The following SDHAF3 variants were observed in gnomAD, a reference collection of about 807,000 sequenced individuals.
SDHAF3 encodes succinate dehydrogenase complex assembly factor 3, also known as succinate dehydrogenase assembly factor 3, mitochondrial.
Under a neutral mutation model 11.5 loss-of-function variants are expected in SDHAF3, and 18 were observed. The ratio of observed to expected loss-of-function variants is 1.56; its 90% confidence interval spans 1.08 to 2.32. The LOEUF is 2.32. Among genes scored for constraint, SDHAF3 ranks in the 30% most tolerant of loss-of-function variants. The pLI is 0.00. For synonymous variants in SDHAF3, 72 were observed against 59.3 expected (o/e 1.21, Z -0.99); for missense variants, 200 against 154.4 (o/e 1.30, Z -1.57).
chr7:97,158,075 A>ATGT (rs1391310193), intron 1 of SDHAF3, among the ~76,000 whole-genome samples: 1 of 152,026 alleles, frequency 6.6e-6, no homozygotes, highest in Non-Finnish European at 1.5e-5. Flanking sequence ...AACATGGCAC[A>ATGT]TGTATACATA....
chr7:97,153,347 T>C (rs1480345798), intron 1 of SDHAF3, among the ~76,000 whole-genome samples: 2 of 152,216 alleles, frequency 1.3e-5, no homozygotes, highest in Non-Finnish European at 2.9e-5. Context: ...TTTGGTAATA[T>C]GCGTTTAAGT....
intron 1 of SDHAF3, among the ~76,000 whole-genome samples, chr7:97,143,731 A>G (rs1789092551): frequency 6.6e-6 from 1 of 150,850 alleles, no homozygotes; most frequent in Non-Finnish European, 1.5e-5. Context: ...TCATTGATTG[A>G]TGGGCATTTG....
At chr7:97,163,835 T>TA (rs1687271624) in intron 1 of SDHAF3, among the ~76,000 whole-genome samples, 1 of 152,300 alleles carries the variant, frequency 6.6e-6, no homozygotes, top group African/African-American at 2.4e-5. Flanking sequence ...AGAGCTCTTG[T>TA]AAAGCAGGCC....
At chr7:97,170,674 A>G (rs1247939535) in intron 1 of SDHAF3, among the ~76,000 whole-genome samples, 2 of 151,498 alleles carry the variant, frequency 1.3e-5, no homozygotes, top group East Asian at 1.9e-4. Context: ...TTTTCTTTTT[A>G]TCTTTGCTGT....
chr7:97,146,110 C>CT (rs901439857), intron 1 of SDHAF3, among the ~76,000 whole-genome samples: 6 of 119,742 alleles, frequency 5.0e-5, no homozygotes, highest in Non-Finnish European at 8.8e-5. Context: ...CTTAAATAGG[C>CT]TTTCCCCCCC....
At chr7:97,136,484 A>T in intron 1 of SDHAF3, 1 of 620,838 alleles carries the variant, frequency 1.6e-6, no homozygotes, top group Non-Finnish European at 2.9e-6. Context: ...AAGACCTGCC[A>T]GATTATTTTA....
intron 1 of SDHAF3, among the ~76,000 whole-genome samples, chr7:97,133,544 G>C (rs774487578): frequency 1.2e-4 from 19 of 152,120 alleles, no homozygotes; most frequent in Non-Finnish European, 2.1e-4. Context: ...AATGCATATT[G>C]TAAGTTTGCC....
chr7:97,158,396 C>T (rs1047882160), intron 1 of SDHAF3, among the ~76,000 whole-genome samples: 6 of 152,152 alleles, frequency 3.9e-5, no homozygotes, highest in East Asian at 3.9e-4. Context: ...GGCACAATCT[C>T]GGCTCATTGC....
chr7:97,177,956 A>C (rs1455381970), intron 1 of SDHAF3, among the ~76,000 whole-genome samples: 1 of 152,264 alleles, frequency 6.6e-6, no homozygotes, highest in Non-Finnish European at 1.5e-5. Context: ...TGTTTGTAAT[A>C]ATTTTTAATT....
chr7:97,180,100 G>A (rs1246176788), intron 1 of SDHAF3, among the ~76,000 whole-genome samples: 1 of 152,172 alleles, frequency 6.6e-6, no homozygotes, highest in African/African-American at 2.4e-5. Context: ...TGGAATATTA[G>A]GCTGAATGTA....
intron 1 of SDHAF3, among the ~76,000 whole-genome samples, chr7:97,151,273 GACTC>G (rs1474360843): frequency 8.5e-5 from 13 of 152,124 alleles, no homozygotes; most frequent in Admixed American, 4.6e-4. Flanking sequence ...CAAAATAAAA[GACTC>G]AGAAAGGCCA....
intron 1 of SDHAF3, among the ~76,000 whole-genome samples, chr7:97,138,977 C>T (rs1469409206): frequency 1.3e-5 from 2 of 152,154 alleles, no homozygotes; most frequent in Admixed American, 6.5e-5. Context: ...CAGCCTGTGT[C>T]TGGGCCAGGT....
rs546514128 is a variant in SDHAF3 at position 97,181,727 on chromosome 7, T to TATCA, written c.*517_*520dup. 2.5e-3 allele frequency: 377 copies of TATCA among 153,706 alleles called. No individual in the cohort carries two copies. Among genetic ancestry groups the TATCA allele is most frequent in the Non-Finnish European group, 3.5e-3 (242 of 68,984 alleles). 9.5% of individuals were successfully genotyped at this position (153,706 alleles called of 1,614,324 possible). ...GAAGCTTTAAAATTCACTATTTTAC[T>TATCA]ATCAATCATTTGTATAATAAACTAT... On this transcript the variant is annotated 3_prime_UTR_variant, in exon 2 of 2. Transcript: ENST00000432641.
chr7:97,155,395 TCTTGAACACCTTC>T (rs1299326771), intron 1 of SDHAF3, among the ~76,000 whole-genome samples: 2 of 152,146 alleles, frequency 1.3e-5, no homozygotes, highest in African/African-American at 4.8e-5. Context: ...GGTCCTTGTT[TCTTGAACACCTTC>T]CTTTGATTTA....
rs545258007 is a variant in SDHAF3 at position 97,149,075 on chromosome 7, G to A, written c.174+31178G>A. 6.0e-4 allele frequency among the ~76,000 whole-genome samples: 91 copies of A among 152,008 alleles called. 1 individual carries two copies. The South Asian group carries it at 0.017, about 28-fold the overall frequency. ...CTCCTGAGTAGCTGGGACTACAGGC[G>A]TGCACCATCACACCTGGCTATTTTT... On this transcript the variant is annotated intron_variant, in intron 1 of 1. Coordinates refer to ENST00000432641, the MANE Select transcript of SDHAF3 (RefSeq NM_020186.3).
intron 1 of SDHAF3, among the ~76,000 whole-genome samples, chr7:97,160,658 A>G (rs1789394611): frequency 6.6e-6 from 1 of 152,216 alleles, no homozygotes; most frequent in Admixed American, 6.5e-5. Context: ...CCAAATGGAG[A>G]TGCGCTGTAA....
At chr7:97,158,587 G>T (rs1789345422) in intron 1 of SDHAF3, among the ~76,000 whole-genome samples, 1 of 152,108 alleles carries the variant, frequency 6.6e-6, no homozygotes. Flanking sequence ...GCCTCTCAAA[G>T]TGCTGGGATT....
intron 1 of SDHAF3, among the ~76,000 whole-genome samples, chr7:97,179,599 C>T (rs920216102): frequency 1.3e-5 from 2 of 151,348 alleles, no homozygotes; most frequent in South Asian, 2.1e-4. Context: ...GGCAGTGTTT[C>T]GAGACATTTT....
intron 1 of SDHAF3, among the ~76,000 whole-genome samples, chr7:97,173,101 C>T (rs1254159310): frequency 1.3e-5 from 2 of 152,338 alleles, no homozygotes; most frequent in South Asian, 2.1e-4. Context: ...TCTAATGCCA[C>T]TGCTGACCTG....
Sources: allele counts gnomAD v4.1 joint callset (sites outside exome capture counted in the v4.1 genomes callset), GRCh38; gene constraint gnomAD v4.1.1; transcripts MANE v1.5; gene names NCBI Gene and HGNC (gene_info 2026-07-23, HGNC 2026-07-21).